The following PDE4B variants were observed in gnomAD, a reference collection of about 807,000 sequenced individuals.
PDE4B encodes the protein phosphodiesterase 4B, also known as 3',5'-cyclic-AMP phosphodiesterase 4B.
Under a neutral mutation model 82.2 loss-of-function variants are expected in PDE4B, and 20 were observed. The ratio of observed to expected loss-of-function variants is 0.24; its 90% CI spans 0.17 to 0.35. PDE4B has a LOEUF of 0.35. PDE4B is among the 10% of genes least tolerant of loss of function. The pLI, the probability that PDE4B is intolerant of heterozygous loss-of-function variation, is 1.00. For missense variants in PDE4B, 655 were observed against 907.2 expected (o/e 0.72, Z 3.57); for synonymous variants, 320 against 318.9 (o/e 1.00, Z -0.04).
chr1:66,356,454 T>G (rs1662251707), intron 9 of PDE4B, among the ~76,000 whole-genome samples: 1 of 152,228 alleles, frequency 6.6e-6, no homozygotes, highest in Admixed American at 6.5e-5. Flanking sequence ...TCAAAGTAAA[T>G]GGATAGCATT....
chr1:65,990,000 A>G (rs554450530), intron 3 of PDE4B, among the ~76,000 whole-genome samples: 120 of 149,500 alleles, frequency 8.0e-4, no homozygotes, highest in African/African-American at 2.8e-3. Context: ...GAGTCCGATT[A>G]TCTTTTAAAT....
At chr1:66,187,479 G>A (rs1049849576) in intron 3 of PDE4B, among the ~76,000 whole-genome samples, 4 of 152,060 alleles carry the variant, frequency 2.6e-5, no homozygotes, top group African/African-American at 9.7e-5. Flanking sequence ...CTTTTTGGTT[G>A]GTAAGCTATT....
chr1:66,081,259 A>G (rs1448048377), intron 3 of PDE4B, among the ~76,000 whole-genome samples: 1 of 152,100 alleles, frequency 6.6e-6, no homozygotes, highest in Non-Finnish European at 1.5e-5. Flanking sequence ...CACCTACTGC[A>G]TATGTCTCTT....
intron 1 of PDE4B, among the ~76,000 whole-genome samples, chr1:65,884,655 A>G (rs921463638): frequency 1.6e-4 from 25 of 152,346 alleles, no homozygotes; most frequent in Non-Finnish European, 2.8e-4. Flanking sequence ...CTGGCTAGCC[A>G]TATGTAGAAA....
intron 3 of PDE4B, among the ~76,000 whole-genome samples, chr1:66,179,865 C>T (rs980237099): frequency 3.3e-5 from 5 of 152,082 alleles, no homozygotes; most frequent in South Asian, 2.1e-4. Flanking sequence ...CTTACGAGTT[C>T]GGAATCCAAT....
intron 1 of PDE4B, among the ~76,000 whole-genome samples, chr1:65,861,716 T>G (rs976804767): frequency 6.6e-6 from 1 of 152,198 alleles, no homozygotes; most frequent in East Asian, 1.9e-4. Context: ...TGTCCTCTTT[T>G]GTTTCCTGGA....
intron 3 of PDE4B, among the ~76,000 whole-genome samples, chr1:65,965,407 G>A (rs1039791444): frequency 6.6e-6 from 1 of 152,060 alleles, no homozygotes; most frequent in African/African-American, 2.4e-5. Flanking sequence ...AGTACAGAAA[G>A]ATAGCATCCT....
intron 3 of PDE4B, among the ~76,000 whole-genome samples, chr1:66,028,527 C>G (rs1289709127): frequency 6.6e-6 from 1 of 152,190 alleles, no homozygotes; most frequent in Non-Finnish European, 1.5e-5. Context: ...GCTTGAATTT[C>G]TCCCCAGAAA....
intron 7 of PDE4B, among the ~76,000 whole-genome samples, chr1:66,268,482 A>G (rs1655211670): frequency 6.6e-6 from 1 of 152,066 alleles, no homozygotes; most frequent in Non-Finnish European, 1.5e-5. Context: ...AGCCTGACCA[A>G]TATGGTGAAA....
At chr1:66,129,437 C>A (rs535980808) in intron 3 of PDE4B, among the ~76,000 whole-genome samples, 1 of 151,656 alleles carries the variant, frequency 6.6e-6, no homozygotes, top group South Asian at 2.1e-4. Context: ...GCGGGCGGAT[C>A]ACGAGGTCAG....
At chr1:65,810,132 T>C (rs1012232446) in intron 1 of PDE4B, among the ~76,000 whole-genome samples, 1 of 152,258 alleles carries the variant, frequency 6.6e-6, no homozygotes, top group Non-Finnish European at 1.5e-5. Context: ...CCCTTTCAAA[T>C]GCAGAAACAG....
chr1:66,218,085 A>G (rs1264581287), intron 3 of PDE4B, among the ~76,000 whole-genome samples: 1 of 152,122 alleles, frequency 6.6e-6, no homozygotes, highest in Non-Finnish European at 1.5e-5. Flanking sequence ...CTGGTAATTG[A>G]TTATCCTTCC....
At chr1:66,032,136 A>G (rs759686638) in intron 3 of PDE4B, among the ~76,000 whole-genome samples, 3 of 152,256 alleles carry the variant, frequency 2.0e-5, no homozygotes, top group Non-Finnish European at 4.4e-5. Context: ...CCTCCTCAGT[A>G]TAAGTGGGGA....
At chr1:65,936,039 T>C (rs1648112950) in intron 3 of PDE4B, among the ~76,000 whole-genome samples, 1 of 152,208 alleles carries the variant, frequency 6.6e-6, no homozygotes, top group African/African-American at 2.4e-5. Context: ...TTTTTCTTTT[T>C]TTTTCTTTTT....
At chr1:65,902,504 T>G (rs1646982659) in intron 1 of PDE4B, among the ~76,000 whole-genome samples, 1 of 152,146 alleles carries the variant, frequency 6.6e-6, no homozygotes, top group Non-Finnish European at 1.5e-5. Context: ...TGATGAAGCC[T>G]TCCCTGGTCC....
At chr1:66,267,667 G>A (rs1655153598) in intron 7 of PDE4B, among the ~76,000 whole-genome samples, 1 of 152,194 alleles carries the variant, frequency 6.6e-6, no homozygotes, top group South Asian at 2.1e-4. Context: ...AGAAATGACA[G>A]TACCACTCAG....
chr1:65,821,092 A>T (rs1645946716), intron 1 of PDE4B, among the ~76,000 whole-genome samples: 1 of 152,214 alleles, frequency 6.6e-6, no homozygotes, highest in South Asian at 2.1e-4. Flanking sequence ...GAATCCACTG[A>T]GGAGAGATGA....
At chr1:66,096,252 A>G (rs1348137441) in intron 3 of PDE4B, among the ~76,000 whole-genome samples, 5 of 151,522 alleles carry the variant, frequency 3.3e-5, no homozygotes, top group Non-Finnish European at 1.5e-5. Flanking sequence ...TCCTCATATG[A>G]GTGAGAACAT....
intron 3 of PDE4B, among the ~76,000 whole-genome samples, chr1:65,976,938 G>A (rs1230068587): frequency 6.6e-6 from 1 of 152,108 alleles, no homozygotes; most frequent in Non-Finnish European, 1.5e-5. Context: ...AGTGTTTCAG[G>A]TAGTCACAGC....
Sources: allele counts gnomAD v4.1 joint callset (sites outside exome capture counted in the v4.1 genomes callset), GRCh38; gene constraint gnomAD v4.1.1; transcripts MANE v1.5; gene names NCBI Gene and HGNC (gene_info 2026-07-23, HGNC 2026-07-21).